ZNF860: variants seen among roughly 807,000 people sequenced by gnomAD.
ZNF860 encodes zinc finger protein 860.
For missense variants in ZNF860, 641 were observed against 759.2 expected, an observed-to-expected ratio of 0.84 and a Z score of 1.83; for synonymous variants, 206 against 248.9, an observed-to-expected ratio of 0.83 and a Z score of 1.62.
chr3:31,987,946 A>G lies in ZNF860; in HGVS notation c.-420-714A>G, dbSNP rs116661771. 2.0e-3 allele frequency among the ~76,000 whole-genome samples: 311 copies of G among 152,342 alleles called. 1 individual carries two copies. The highest frequency in any genetic ancestry group is 9.4e-3 in the Admixed American group (144 of 15,300). On this transcript the variant is annotated intron_variant, in intron 1 of 1. Transcript: ENST00000360311. ...AACTTGGGTTAGGAAAATGGAGCAA[A>G]CACATATTGCCTTTTGTGATAAGGG...
Position 31,991,216 on chromosome 3 carries a change from C to T in ZNF860, c.*238C>T, listed in dbSNP as rs189162672. On this transcript the variant is annotated 3_prime_UTR_variant, in exon 2 of 2. Coordinates refer to ENST00000360311, the MANE Select transcript of ZNF860 (RefSeq NM_001137674.3). ...ATCCCAGCACTGTGGGAGGTCAAGA[C>T]GGATAGATCACTTGAGGTCAGGAGT... 19 of 478,212 alleles carry T rather than the reference C, an allele frequency of 4.0e-5. No individual in the cohort carries two copies. Among genetic ancestry groups the T allele is most frequent in the Admixed American group, 2.0e-4 (5 of 25,544 alleles). 29.6% of individuals were successfully genotyped at this position (478,212 alleles called of 1,614,324 possible). A position where few individuals can be genotyped will look rare whatever the true frequency, so the allele number is the denominator to read the frequency against.
the ZNF860 span, among the ~76,000 whole-genome samples, chr3:31,998,119 T>C: frequency 6.6e-6 from 1 of 152,288 alleles, no homozygotes; most frequent in South Asian, 2.1e-4. Flanking sequence ...AAAAATAAGA[T>C]GACAGCACCC....
Position 31,989,610 on chromosome 3 carries a change from T to A in ZNF860, c.531T>A (p.Asn177Lys), listed in dbSNP as rs1698994845. 1 of 1,614,208 alleles carries A rather than the reference T, an allele frequency of 6.2e-7. No individual in the cohort carries two copies. The highest frequency in any genetic ancestry group is 1.3e-5 in the African/African-American group (1 of 75,058). Residue 177 changes from asparagine (N) to lysine (K), a missense_variant, in exon 2 of 2, where the codon AAT becomes AAA. Transcript: ENST00000360311. ...TTCAGACCAAAGGGAAAGTTGGTAA[T>A]CAAGTTGAGAAGTCTATCAACGATG... Reference protein sequence around the residue: ...HIFQTKGKVGNQVEKSINDAS... With the variant: ...HIFQTKGKVGKQVEKSINDAS...
At chr3:31,997,523 A>T in the ZNF860 span, among the ~76,000 whole-genome samples, 1 of 151,964 alleles carries the variant, frequency 6.6e-6, no homozygotes, top group Non-Finnish European at 1.5e-5. Context: ...TCAGCCTCCC[A>T]AAATGCTGGG....
chr3:32,005,778 G>A, the ZNF860 span, among the ~76,000 whole-genome samples: 2 of 151,770 alleles, frequency 1.3e-5, no homozygotes, highest in African/African-American at 4.8e-5. Context: ...TAGTAGAGAT[G>A]GGGTTTCACC....
intron 1 of ZNF860, among the ~76,000 whole-genome samples, chr3:31,988,085 G>A (rs1698961210): frequency 6.6e-6 from 1 of 152,204 alleles, no homozygotes; most frequent in South Asian, 2.1e-4. Context: ...TGCCCAACTG[G>A]CTTTCAAAAT....
downstream of ZNF860, among the ~76,000 whole-genome samples, chr3:31,996,170 C>T (rs777684776): frequency 1.3e-5 from 2 of 152,138 alleles, no homozygotes; most frequent in African/African-American, 4.8e-5. Flanking sequence ...CAGGTAAACG[C>T]AAACAACCAG....
At chr3:31,999,898 C>A in the ZNF860 span, among the ~76,000 whole-genome samples, 1 of 152,270 alleles carries the variant, frequency 6.6e-6, no homozygotes, top group East Asian at 1.9e-4. Flanking sequence ...TTAAAAAGGT[C>A]ATTCGATTCC....
chr3:32,002,539 C>T, the ZNF860 span, among the ~76,000 whole-genome samples: 1 of 152,168 alleles, frequency 6.6e-6, no homozygotes, highest in Non-Finnish European at 1.5e-5. Context: ...TTATCCATAG[C>T]TGTGGAATAC....
downstream of ZNF860, among the ~76,000 whole-genome samples, chr3:31,996,103 C>T (rs949239760): frequency 2.4e-4 from 37 of 152,266 alleles, no homozygotes; most frequent in East Asian, 1.4e-3. Flanking sequence ...TGACTGGATG[C>T]CATTTAAACG....
In ZNF860 at chr3:31,986,714, A is replaced by C. The variant is rs2125516165; in HGVS notation, c.-420-1946A>C. Among the ~76,000 whole-genome samples, 2 of 152,316 alleles carry C rather than the reference A, an allele frequency of 1.3e-5. 1 individual carries two copies. The highest frequency in any genetic ancestry group is 4.1e-4 in the South Asian group (2 of 4,826). On this transcript the variant is annotated intron_variant, in intron 1 of 1. Coordinates refer to ENST00000360311, the MANE Select transcript of ZNF860 (RefSeq NM_001137674.3). Reference sequence around the variant, plus strand: ...TTCAAAGATTTGCACACAAAATTATAAAGTAAAAACTGAAGACCAGGTGCA... The same window carrying C: ...TTCAAAGATTTGCACACAAAATTATCAAGTAAAAACTGAAGACCAGGTGCA...
At chr3:32,001,966 A>C in the ZNF860 span, among the ~76,000 whole-genome samples, 1 of 152,206 alleles carries the variant, frequency 6.6e-6, no homozygotes, top group Non-Finnish European at 1.5e-5. Context: ...TTTTGAGATG[A>C]GGACACTGAG....
the ZNF860 span, among the ~76,000 whole-genome samples, chr3:32,001,463 A>G: frequency 1.3e-5 from 2 of 152,156 alleles, no homozygotes; most frequent in African/African-American, 4.8e-5. Flanking sequence ...AAAATTTCAA[A>G]AGGTAAAATC....
intron 1 of ZNF860, among the ~76,000 whole-genome samples, chr3:31,985,796 G>A (rs528574803): frequency 3.9e-5 from 6 of 152,296 alleles, no homozygotes; most frequent in African/African-American, 1.4e-4. Context: ...AATGTATATT[G>A]AGCACTATGT....
chr3:32,003,640 A>G, the ZNF860 span, among the ~76,000 whole-genome samples: 1 of 152,204 alleles, frequency 6.6e-6, no homozygotes, highest in African/African-American at 2.4e-5. Context: ...AAACAGGATA[A>G]TCCTCTTTCT....
At chr3:31,996,362 C>T (rs1360035647), downstream of ZNF860, among the ~76,000 whole-genome samples, 3 of 152,176 alleles carry the variant, frequency 2.0e-5, no homozygotes, top group South Asian at 6.2e-4. Flanking sequence ...CTCTCCCCCC[C>T]GTGCAAGGGA....
At chr3:31,997,039 G>A in the ZNF860 span, among the ~76,000 whole-genome samples, 1 of 152,090 alleles carries the variant, frequency 6.6e-6, no homozygotes, top group Admixed American at 6.5e-5. Context: ...GTTACCACAC[G>A]TTTCTTGCAG....
At position 31,990,123 on chromosome 3, in the gene ZNF860, A is replaced by C. The variant is rs13064905; in HGVS notation, c.1044A>C (p.Glu348Asp). Residue 348 changes from glutamate to aspartate, a missense_variant, in exon 2 of 2, where the codon GAA becomes GAC. Coordinates refer to ENST00000360311, the MANE Select transcript of ZNF860 (RefSeq NM_001137674.3). ...GEKPYKCKVCEKAFRRDSHLT... is the reference protein window; with the variant it reads ...GEKPYKCKVCDKAFRRDSHLT... ...AACCATACAAATGTAAGGTTTGTGA[A>C]AAGGCTTTCAGGCGTGATTCACACC... is the stretch of plus-strand genomic sequence containing the variant. The C allele has an allele frequency of 0.23, 371,753 of 1,613,024 alleles. 56,455 individuals carry two copies. Among genetic ancestry groups the C allele is most frequent in the African/African-American group, 0.7 (52,074 of 74,638 alleles).
At chr3:31,988,266 T>G (rs2125518000) in intron 1 of ZNF860, among the ~76,000 whole-genome samples, 1 of 152,286 alleles carries the variant, frequency 6.6e-6, no homozygotes, top group Middle Eastern at 3.4e-3. Flanking sequence ...GAGCTAAACT[T>G]ACTAACCTGA....
Sources: gnomAD v4.1 joint callset for allele counts (sites outside exome capture counted in the v4.1 genomes callset) on GRCh38, gnomAD v4.1.1 for gene constraint, MANE v1.5 for transcripts, NCBI Gene and HGNC (gene_info 2026-07-23, HGNC 2026-07-21) for gene names.